Variants in SRGAP2B observed in about 807,000 individuals in gnomAD.
SRGAP2B encodes SLIT-ROBO Rho GTPase-activating protein 2B.
In SRGAP2B, 9 loss-of-function variants were observed where a neutral mutation model predicts 22.2. That is an observed-to-expected ratio of 0.41 (90% CI 0.24 to 0.71). The LOEUF is 0.71. SRGAP2B is among the 30% of genes least tolerant of loss of function. The pLI is 0.35. For missense variants in SRGAP2B, 114 were observed against 235.8 expected (o/e 0.48, Z 3.38); for synonymous variants, 36 against 87.4 (o/e 0.41, Z 3.28).
chr1:145,030,721 A>AATATATATAT (rs1161032950), intron 2 of SRGAP2B, among the ~76,000 whole-genome samples: 1 of 14,492 alleles, frequency 6.9e-5, no homozygotes, highest in African/African-American at 4.1e-4. Context: ...AAAAAAAAAA[A>AATATATATAT]ATATATATAT....
intron 3 of SRGAP2B, among the ~76,000 whole-genome samples, chr1:144,972,367 AGTGATTG>A (rs1391016344): frequency 8.5e-6 from 1 of 117,780 alleles, no homozygotes; most frequent in Non-Finnish European, 1.7e-5. Context: ...AGTAAACCTA[AGTGATTG>A]GGGTCATCCT....
At chr1:144,955,828 G>C (rs10903175) in intron 3 of SRGAP2B, among the ~76,000 whole-genome samples, 7 of 145,250 alleles carry the variant, frequency 4.8e-5, no homozygotes, top group East Asian at 4.0e-4. Context: ...GATGTACAAG[G>C]AGAAACAGGA....
At position 144,947,460 on chromosome 1, in the gene SRGAP2B, A is replaced by ATC. The variant is rs782070887; in HGVS notation, c.423+7977_423+7978dup. Among the ~76,000 whole-genome samples, 19 of 148,488 alleles carry ATC rather than the reference A, an allele frequency of 1.3e-4. No individual in the cohort carries two copies. The South Asian group carries it at 4.0e-3, about 31-fold the overall frequency. On this transcript the variant is annotated intron_variant, in intron 4 of 9. Coordinates refer to ENST00000612199, the Ensembl canonical transcript of SRGAP2B. ...ATTCATTTCCTTAGTGCCAAAAGAA[A>ATC]TCTGACTGTTGTGGCAATTCTCTTG...
intron 3 of SRGAP2B, among the ~76,000 whole-genome samples, chr1:144,979,926 C>T (rs868962599): frequency 6.6e-6 from 1 of 150,838 alleles, no homozygotes; most frequent in African/African-American, 2.5e-5. Context: ...TACAGCATCA[C>T]AAAAAATGGC....
chr1:144,998,818 G>A (rs6678125), intron 2 of SRGAP2B, among the ~76,000 whole-genome samples: 1 of 150,778 alleles, frequency 6.6e-6, no homozygotes, highest in Non-Finnish European at 1.5e-5. Flanking sequence ...TGCCTTAGGC[G>A]CTGCTGCTGC....
chr1:144,932,313 G>C (rs1165910854), intron 4 of SRGAP2B, among the ~76,000 whole-genome samples: 1 of 150,834 alleles, frequency 6.6e-6, no homozygotes, highest in South Asian at 2.1e-4. Context: ...CTCCACAGGC[G>C]CTACAGGGCT....
At chr1:144,963,159 A>T (rs1235743033) in intron 3 of SRGAP2B, among the ~76,000 whole-genome samples, 2 of 150,802 alleles carry the variant, frequency 1.3e-5, no homozygotes, top group Non-Finnish European at 2.9e-5. Context: ...CATTCCCAGA[A>T]CTATAGGGAG....
chr1:145,059,261 G>A (rs11249416), intron 2 of SRGAP2B, among the ~76,000 whole-genome samples: 287 of 89,974 alleles, frequency 3.2e-3, no homozygotes, highest in African/African-American at 0.014. Context: ...GTGAAACTCC[G>A]TCTCTACTAA....
intron 2 of SRGAP2B, among the ~76,000 whole-genome samples, chr1:145,007,593 G>A (rs1246879584): frequency 6.6e-6 from 1 of 150,688 alleles, no homozygotes; most frequent in Non-Finnish European, 1.5e-5. Flanking sequence ...GAACTGGACT[G>A]CCTGGGCTCA....
chr1:145,090,192 T>C lies in SRGAP2B; in HGVS notation c.67+2643A>G, dbSNP rs1328912147. 5.4e-5 allele frequency among the ~76,000 whole-genome samples: 8 copies of C among 148,684 alleles called. 1 individual carries two copies. Among genetic ancestry groups the C allele is most frequent in the Non-Finnish European group, 8.9e-5 (6 of 67,754 alleles). ...ATTCTGACCCAGGGCTTCTAGCTAGTGGGGGGCAGAGCCAAACCAGATCGC... is the reference window on the plus strand; with the variant it reads ...ATTCTGACCCAGGGCTTCTAGCTAGCGGGGGGCAGAGCCAAACCAGATCGC... On this transcript the variant is annotated intron_variant, in intron 2 of 9. Coordinates refer to ENST00000612199, the Ensembl canonical transcript of SRGAP2B.
intron 2 of SRGAP2B, among the ~76,000 whole-genome samples, chr1:145,076,640 C>T (rs1652531393): frequency 7.0e-6 from 1 of 143,636 alleles, no homozygotes; most frequent in Non-Finnish European, 1.5e-5. Context: ...TAGTGGTTGC[C>T]AGCAGTTAAG....
intron 2 of SRGAP2B, among the ~76,000 whole-genome samples, chr1:145,038,280 G>T (rs1648881596): frequency 1.0e-5 from 1 of 99,366 alleles, no homozygotes; most frequent in Admixed American, 1.1e-4. Context: ...GAACGTGGAG[G>T]GGTAAGAACA....
intron 4 of SRGAP2B, among the ~76,000 whole-genome samples, chr1:144,924,765 C>T (rs1220801989): frequency 6.9e-6 from 1 of 144,032 alleles, no homozygotes; most frequent in African/African-American, 2.7e-5. Flanking sequence ...TGTGTATCTA[C>T]CCGCAGTTGT....
chr1:144,910,605 T>C lies in SRGAP2B; in HGVS notation c.486+4087A>G, dbSNP rs1371354909. ...CCAAAGTGTCCCAAAGCCTCTTTTT[T>C]CTCAATTCTAGAGCTTCCTTGACTC... On this transcript the variant is annotated intron_variant, in intron 5 of 9. Transcript: ENST00000612199. Among the ~76,000 whole-genome samples, 9 of 141,268 alleles carry C rather than the reference T, an allele frequency of 6.4e-5. 1 individual carries two copies. The highest frequency in any genetic ancestry group is 1.1e-4 in the African/African-American group (4 of 35,570). The allele number at this position is 141,268 out of a possible 152,430, so 92.7% of individuals were successfully genotyped here.
exon 3 of SRGAP2B, chr1:144,995,009 T>C: frequency 1.3e-6 from 2 of 1,523,824 alleles, no homozygotes; most frequent in Non-Finnish European, 1.8e-6. Flanking sequence ...AGCCCCTACT[T>C]GAATTGCTGG....
Position 144,923,350 on chromosome 1 carries a change from T to TCA in SRGAP2B, c.424-8598_424-8597dup, listed in dbSNP as rs1367004402. 8.0e-5 allele frequency among the ~76,000 whole-genome samples: 12 copies of TCA among 150,730 alleles called. 1 individual carries two copies. The highest frequency in any genetic ancestry group is 7.2e-4 in the Admixed American group (11 of 15,178). On this transcript the variant is annotated intron_variant, in intron 4 of 9. Coordinates refer to ENST00000612199, the Ensembl canonical transcript of SRGAP2B. ...TGATTTGGCTGGGGGCGTAATGTCT[T>TCA]CAGGCCCTGATCTCTCATGCCAAAG...
At chr1:144,987,844 CA>C (rs1669862371) in intron 3 of SRGAP2B, among the ~76,000 whole-genome samples, 1 of 150,696 alleles carries the variant, frequency 6.6e-6, no homozygotes, top group South Asian at 2.1e-4. Flanking sequence ...AATGGAAAAA[CA>C]AAAGTGCTGT....
intron 2 of SRGAP2B, among the ~76,000 whole-genome samples, chr1:145,084,905 G>A (rs1553635239): frequency 6.6e-6 from 1 of 150,610 alleles, no homozygotes; most frequent in Non-Finnish European, 1.5e-5. Context: ...AAGGCATGAG[G>A]CCCTAGGACT....
intron 3 of SRGAP2B, among the ~76,000 whole-genome samples, chr1:144,969,902 T>C (rs1289386852): frequency 2.0e-5 from 3 of 150,756 alleles, no homozygotes; most frequent in Non-Finnish European, 2.9e-5. Flanking sequence ...AAAATGCTCA[T>C]CATCACTGGC....
Sources: gnomAD v4.1 joint callset for allele counts (sites outside exome capture counted in the v4.1 genomes callset) on GRCh38, gnomAD v4.1.1 for gene constraint, MANE v1.5 for transcripts, NCBI Gene and HGNC (gene_info 2026-07-23, HGNC 2026-07-21) for gene names.